Variants in ADK observed in about 807,000 individuals in gnomAD.
ADK encodes adenosine kinase, also known as N6,N6-dimethyladenosine kinase.
ADK carries 24 observed loss-of-function variants against 44.7 expected under a neutral mutation model. That is an observed-to-expected ratio of 0.54 (90% CI 0.39 to 0.76). ADK has a LOEUF of 0.76. Among genes scored for constraint, ADK ranks in the 30% least tolerant of loss-of-function variants. The probability of loss-of-function intolerance (pLI) is 0.00; values close to 1 mark genes in which losing one functional copy is unlikely to be tolerated. For synonymous variants in ADK, 128 were observed against 142.6 expected, an observed-to-expected ratio of 0.90 and a Z score of 0.73; for missense variants, 321 against 425.1, an observed-to-expected ratio of 0.76 and a Z score of 2.15.
intron 4 of ADK, among the ~76,000 whole-genome samples, chr10:74,350,803 C>A (rs1455219699): frequency 6.6e-6 from 1 of 152,116 alleles, no homozygotes; most frequent in Non-Finnish European, 1.5e-5. Flanking sequence ...TGCAAATAAA[C>A]CAGAAAATCT....
intron 7 of ADK, among the ~76,000 whole-genome samples, chr10:74,527,370 AAC>A (rs1233249577): frequency 1.3e-4 from 13 of 99,682 alleles, no homozygotes; most frequent in African/African-American, 9.8e-4. Context: ...AAAACAAACA[AAC>A]AAAAAAAAAA....
chr10:74,646,837 CAGTG>C (rs1023780965), intron 9 of ADK, among the ~76,000 whole-genome samples: 34 of 152,276 alleles, frequency 2.2e-4, no homozygotes, highest in African/African-American at 8.2e-4. Context: ...ATGTGAAAAA[CAGTG>C]GGTGCATTTA....
chr10:74,689,024 C>T (rs1482447802), intron 10 of ADK, among the ~76,000 whole-genome samples: 3 of 152,070 alleles, frequency 2.0e-5, no homozygotes, highest in East Asian at 1.9e-4. Flanking sequence ...AGGCCGAGAC[C>T]GGATCATGAG....
chr10:74,662,491 G>A (rs1854770991), intron 9 of ADK, among the ~76,000 whole-genome samples: 1 of 152,046 alleles, frequency 6.6e-6, no homozygotes, highest in Non-Finnish European at 1.5e-5. Context: ...ATGTCTCCCA[G>A]TCTGGTCTCA....
intron 7 of ADK, among the ~76,000 whole-genome samples, chr10:74,543,057 C>T (rs991200145): frequency 3.3e-5 from 5 of 151,890 alleles, no homozygotes; most frequent in African/African-American, 9.7e-5. Flanking sequence ...CCTGCCACCA[C>T]CCACGGTTAA....
chr10:74,500,537 G>T (rs768194180), intron 6 of ADK, among the ~76,000 whole-genome samples: 1 of 152,060 alleles, frequency 6.6e-6, no homozygotes, highest in Non-Finnish European at 1.5e-5. Context: ...AACTTTCCGA[G>T]TGATTCAGAA....
Position 74,174,008 on chromosome 10 carries a change from G to A in ADK, c.65+22665G>A, listed in dbSNP as rs373365853. Among the ~76,000 whole-genome samples the A allele has an allele frequency of 2.0e-5, 3 of 151,906 alleles. No individual in the cohort carries two copies. The East Asian group carries it at 5.8e-4, about 29-fold the overall frequency. ...GTAAACCGAGGGACAGACAGTTTAAGAACCAGTTTAAAGGCTGGGTGTGGT... is the reference window on the plus strand; with the variant it reads ...GTAAACCGAGGGACAGACAGTTTAAAAACCAGTTTAAAGGCTGGGTGTGGT... On this transcript the variant is annotated intron_variant, in intron 1 of 10. Transcript: ENST00000539909.
At chr10:74,515,757 C>T (rs1340974017) in intron 6 of ADK, among the ~76,000 whole-genome samples, 1 of 152,120 alleles carries the variant, frequency 6.6e-6, no homozygotes, top group Non-Finnish European at 1.5e-5. Flanking sequence ...GGGAGCCCAG[C>T]AGTTTGGCCA....
intron 1 of ADK, among the ~76,000 whole-genome samples, chr10:74,175,419 A>G (rs1211360037): frequency 1.3e-5 from 2 of 152,166 alleles, no homozygotes; most frequent in East Asian, 1.9e-4. Flanking sequence ...AAACAATACA[A>G]TTGTGTTTAG....
chr10:74,357,637 A>G (rs2131930512), intron 4 of ADK, among the ~76,000 whole-genome samples: 1 of 152,006 alleles, frequency 6.6e-6, no homozygotes, highest in Middle Eastern at 3.4e-3. Context: ...GGCTCACACA[A>G]TTTAACTGTA....
intron 4 of ADK, among the ~76,000 whole-genome samples, chr10:74,344,314 G>C (rs1335664979): frequency 1.3e-5 from 2 of 152,164 alleles, no homozygotes; most frequent in Non-Finnish European, 2.9e-5. Context: ...CTATGCTGCT[G>C]AATCTTAAGG....
intron 3 of ADK, among the ~76,000 whole-genome samples, chr10:74,289,069 GGC>G (rs1847303865): frequency 6.6e-6 from 1 of 152,028 alleles, no homozygotes; most frequent in Non-Finnish European, 1.5e-5. Context: ...TGTTGAATTG[GGC>G]CATAATGAAG....
chr10:74,155,759 G>T (rs1841730082), intron 1 of ADK, among the ~76,000 whole-genome samples: 1 of 151,834 alleles, frequency 6.6e-6, no homozygotes, highest in African/African-American at 2.4e-5. Flanking sequence ...GGTCTTGATC[G>T]CCTGACCTCG....
chr10:74,683,938 C>T lies in ADK; in HGVS notation c.964+13669C>T, dbSNP rs117133653. Among the ~76,000 whole-genome samples, 696 of 152,282 alleles carry T rather than the reference C, an allele frequency of 4.6e-3. 8 individuals carry two copies. Among genetic ancestry groups the T allele is most frequent in the Non-Finnish European group, 7.3e-3 (499 of 68,034 alleles). On this transcript the variant is annotated intron_variant, in intron 10 of 10. Transcript: ENST00000539909. The stretch of plus-strand genomic sequence containing the variant: ...TAACTGAGTTGAGTCGATTTGTTAC[C>T]ACAGCTTCAAGTAGCTGTTACAGAA...
intron 3 of ADK, among the ~76,000 whole-genome samples, chr10:74,284,007 G>A (rs1185022473): frequency 6.6e-6 from 1 of 151,602 alleles, no homozygotes. Flanking sequence ...TGCCCAGGCT[G>A]GAGTGCAATG....
chr10:74,541,255 T>C (rs980462990), intron 7 of ADK, among the ~76,000 whole-genome samples: 8 of 152,206 alleles, frequency 5.3e-5, no homozygotes, highest in Admixed American at 4.6e-4. Flanking sequence ...CCTCAGGTGA[T>C]TGGCCTGCCT....
chr10:74,465,525 A>G (rs1367644645), intron 6 of ADK, among the ~76,000 whole-genome samples: 1 of 152,192 alleles, frequency 6.6e-6, no homozygotes, highest in Non-Finnish European at 1.5e-5. Flanking sequence ...TCACTGTTAT[A>G]TGGACAAAAC....
At chr10:74,426,792 CTT>C (rs1222030103) in intron 6 of ADK, among the ~76,000 whole-genome samples, 4 of 151,176 alleles carry the variant, frequency 2.6e-5, no homozygotes, top group African/African-American at 9.7e-5. Flanking sequence ...ATTTTTTTTT[CTT>C]ATTTTTTTAT....
intron 4 of ADK, among the ~76,000 whole-genome samples, chr10:74,354,490 G>A (rs890504415): frequency 3.9e-5 from 6 of 152,162 alleles, no homozygotes; most frequent in South Asian, 2.1e-4. Context: ...TTTTGAATAC[G>A]TACCAGCTTT....
Sources: allele counts gnomAD v4.1 joint callset (sites outside exome capture counted in the v4.1 genomes callset), GRCh38; gene constraint gnomAD v4.1.1; transcripts MANE v1.5; gene names NCBI Gene and HGNC (gene_info 2026-07-23, HGNC 2026-07-21).